The following SRD5A3 variants were observed in gnomAD, a reference collection of about 807,000 sequenced individuals.
SRD5A3 encodes polyprenal reductase.
A neutral mutation model predicts 34.3 loss-of-function variants in SRD5A3; 24 were observed. The ratio of observed to expected loss-of-function variants is 0.70; its 90% CI spans 0.51 to 0.99. SRD5A3 has a LOEUF of 0.99. Among genes scored for constraint, SRD5A3 ranks in the 50% least tolerant of loss-of-function variants. The pLI is 0.00. For missense variants in SRD5A3, 350 were observed against 388.2 expected (o/e 0.90, Z 0.83); for synonymous variants, 161 against 167.3 (o/e 0.96, Z 0.29).
At chr4:55,365,433 C>T (rs1179937103) in intron 3 of SRD5A3, among the ~76,000 whole-genome samples, 1 of 152,246 alleles carries the variant, frequency 6.6e-6, no homozygotes, top group African/African-American at 2.4e-5. Flanking sequence ...GCTAGCATCT[C>T]TCTGATTCCT....
rs765835845 is a variant in SRD5A3 at position 55,369,912 on chromosome 4, C to A, written c.778C>A (p.Leu260Met). ...YVSSPNYLAE[L>M]MIYVSMAVTF... ...TTCTTCCCCTAACTACTTAGCAGAG[C>A]TGATGATCTACGTTTCCATGGCCGT... is the stretch of plus-strand genomic sequence containing the variant. Residue 260 changes from leucine to methionine, a missense_variant, in exon 5 of 5, where the codon CTG becomes ATG. Around this residue, in one of 3 missense-constraint regions of SRD5A3, gnomAD observed 186 missense variants for 221.4 expected, o/e 0.84. Coordinates refer to ENST00000264228, the MANE Select transcript of SRD5A3 (RefSeq NM_024592.5). 1 of 1,614,176 alleles carries A rather than the reference C, an allele frequency of 6.2e-7. No individual in the cohort carries two copies. The highest frequency in any genetic ancestry group is 1.1e-5 in the South Asian group (1 of 91,080).
intron 2 of SRD5A3, among the ~76,000 whole-genome samples, chr4:55,359,711 C>T (rs1004726708): frequency 1.3e-5 from 2 of 152,174 alleles, no homozygotes; most frequent in Admixed American, 6.5e-5. Context: ...CAAGAGTTAG[C>T]GCTCCTGACT....
intron 1 of SRD5A3, 26 bp downstream of exon 1, chr4:55,346,583 C>T (rs1578198980): frequency 4.5e-6 from 7 of 1,555,204 alleles, no homozygotes; most frequent in East Asian, 2.6e-5. Context: ...TCCCGAGCCG[C>T]GGTGGTCAAG....
chr4:55,351,844 T>G, intron 1 of SRD5A3: 1 of 557,014 alleles, frequency 1.8e-6, no homozygotes. Flanking sequence ...TCATCTGGCA[T>G]TCATTCAATG....
At chr4:55,352,085 G>T in intron 1 of SRD5A3, 1 of 776,798 alleles carries the variant, frequency 1.3e-6, no homozygotes. Flanking sequence ...CTCAATTTCA[G>T]GCATTACACA....
chr4:55,351,526 A>C (rs972469376), intron 1 of SRD5A3, among the ~76,000 whole-genome samples: 18 of 144,600 alleles, frequency 1.2e-4, no homozygotes, highest in African/African-American at 4.4e-4. Context: ...AAAAAATACA[A>C]AAAAAAAAAT....
intron 1 of SRD5A3, among the ~76,000 whole-genome samples, chr4:55,349,251 G>T (rs1240691009): frequency 1.3e-5 from 2 of 152,128 alleles, no homozygotes; most frequent in East Asian, 3.9e-4. Flanking sequence ...GGCTAGGCTG[G>T]TCTTGAACTC....
chr4:55,353,593 G>A (rs1255277936), intron 1 of SRD5A3, among the ~76,000 whole-genome samples: 1 of 152,212 alleles, frequency 6.6e-6, no homozygotes, highest in African/African-American at 2.4e-5. Context: ...AAGTCTTGCT[G>A]CTGCTCACTC....
In SRD5A3 at chr4:55,372,735, G is replaced by A. The variant is rs533148583; in HGVS notation, c.*2644G>A. The A allele has an allele frequency of 2.6e-5, 4 of 152,164 alleles. No homozygotes were observed. The highest frequency in any genetic ancestry group is 3.9e-4 in the East Asian group (2 of 5,172). The allele number at this position is 152,164 out of a possible 1,614,324, so 9.4% of individuals were successfully genotyped here. ...TTTCATTTTCTACTACCATTAAGTCGGGGAAATGACATTGAACTACCTCAT... is the reference window on the plus strand; with the variant it reads ...TTTCATTTTCTACTACCATTAAGTCAGGGAAATGACATTGAACTACCTCAT... On this transcript the variant is annotated 3_prime_UTR_variant, in exon 5 of 5. Transcript: ENST00000264228.
At position 55,355,255 on chromosome 4, in the gene SRD5A3, G is replaced by A. The variant is rs540394458; in HGVS notation, c.222-4091G>A. ...GGGTGGATCATGAGGTTAGGAGATC[G>A]AGACCATCCTGGCTAACACGGTGAA... On this transcript the variant is annotated intron_variant, in intron 1 of 4. Transcript: ENST00000264228. Among the ~76,000 whole-genome samples, 110 of 152,190 alleles carry A rather than the reference G, an allele frequency of 7.2e-4. 1 individual carries two copies. The highest frequency in any genetic ancestry group is 1.2e-3 in the African/African-American group (48 of 41,532).
At chr4:55,353,725 T>G (rs1019001139) in intron 1 of SRD5A3, among the ~76,000 whole-genome samples, 2 of 151,766 alleles carry the variant, frequency 1.3e-5, no homozygotes, top group Non-Finnish European at 2.9e-5. Flanking sequence ...GGCGCCACCT[T>G]TAAGAGCTGT....
chr4:55,363,926 C>G (rs1719779327), intron 2 of SRD5A3, 148 bp from the exon 3 acceptor site: 1 of 808,620 alleles, frequency 1.2e-6, no homozygotes, highest in South Asian at 1.4e-5. Context: ...AAGTCAAATT[C>G]CTTGACTTCA....
intron 3 of SRD5A3, among the ~76,000 whole-genome samples, chr4:55,367,355 G>A (rs962141543): frequency 1.3e-5 from 2 of 152,204 alleles, no homozygotes; most frequent in Non-Finnish European, 2.9e-5. Flanking sequence ...GCTGAGGAAC[G>A]TATCTCCTTT....
intron 1 of SRD5A3, 144 bp downstream of exon 1, chr4:55,346,701 C>T (rs1021974624): frequency 4.1e-6 from 3 of 736,488 alleles, no homozygotes; most frequent in South Asian, 3.0e-5. Context: ...GCACGGCGCT[C>T]CCTCGGCCTG....
At position 55,372,225 on chromosome 4, in the gene SRD5A3, G is replaced by A. The variant is rs886059478; in HGVS notation, c.*2134G>A. On this transcript the variant is annotated 3_prime_UTR_variant, in exon 5 of 5. Coordinates refer to ENST00000264228, the MANE Select transcript of SRD5A3 (RefSeq NM_024592.5). ...TTGGAGAAAAATGTATTTTATTTTA[G>A]CATGCAATTTTATGCCCAGGTTAGA... is the stretch of plus-strand genomic sequence containing the variant. 6.6e-6 allele frequency: 1 copy of A among 152,028 alleles called. No homozygotes were observed. Among genetic ancestry groups the A allele is most frequent in the African/African-American group, 2.4e-5 (1 of 41,382 alleles). 9.4% of individuals were successfully genotyped at this position (152,028 alleles called of 1,614,324 possible).
intron 2 of SRD5A3, 129 bp from the exon 3 acceptor site, chr4:55,363,945 A>T: frequency 1.0e-6 from 1 of 964,508 alleles, no homozygotes; most frequent in Non-Finnish European, 1.7e-6. Flanking sequence ...CATTTGGCCC[A>T]TTTCTTCCTT....
intron 1 of SRD5A3, among the ~76,000 whole-genome samples, chr4:55,350,141 G>A (rs1394167031): frequency 1.3e-5 from 2 of 152,164 alleles, no homozygotes; most frequent in East Asian, 1.9e-4. Context: ...AGGCTGAGGC[G>A]GGTGGATCAC....
At chr4:55,353,266 C>T (rs771307174) in intron 1 of SRD5A3, among the ~76,000 whole-genome samples, 2 of 152,274 alleles carry the variant, frequency 1.3e-5, no homozygotes, top group Non-Finnish European at 1.5e-5. Flanking sequence ...AATCAGCACT[C>T]TGTAAAAACA....
In SRD5A3 at chr4:55,370,221, A is replaced by T; in HGVS notation, c.*130A>T. The stretch of plus-strand genomic sequence containing the variant: ...CTCCATTCCATTTCTATACCCCACA[A>T]GTTTTCACTGAATGAGCATGGCAGT... On this transcript the variant is annotated 3_prime_UTR_variant, in exon 5 of 5. Coordinates refer to ENST00000264228, the MANE Select transcript of SRD5A3 (RefSeq NM_024592.5). 8.1e-7 allele frequency: 1 copy of T among 1,238,496 alleles called. No homozygotes were observed. Among genetic ancestry groups the T allele is most frequent in the Middle Eastern group, 2.7e-4 (1 of 3,710 alleles). 76.7% of individuals were successfully genotyped at this position (1,238,496 alleles called of 1,614,324 possible). A position where few individuals can be genotyped will look rare whatever the true frequency, so the allele number is the denominator to read the frequency against.
Sources: allele counts gnomAD v4.1 joint callset (sites outside exome capture counted in the v4.1 genomes callset), GRCh38; gene constraint gnomAD v4.1.1; regional missense constraint gnomAD v4.1.1; transcripts MANE v1.5; gene names NCBI Gene and HGNC (gene_info 2026-07-23, HGNC 2026-07-21).